Variants in QPCT observed in about 807,000 individuals in gnomAD.
QPCT encodes glutaminyl-peptide cyclotransferase.
QPCT carries 44 observed loss-of-function variants against 43.4 expected under a neutral mutation model. The ratio of observed to expected loss-of-function variants is 1.01; its 90% CI spans 0.80 to 1.30. The LOEUF is 1.30. Among genes scored for constraint, QPCT ranks in the 50% most tolerant of loss-of-function variants. The probability of loss-of-function intolerance (pLI) is 0.00; values close to 1 mark genes in which losing one functional copy is unlikely to be tolerated. For synonymous variants in QPCT, 168 were observed against 168.4 expected, an observed-to-expected ratio of 1.00 and a Z score of 0.02; for missense variants, 526 against 436.5, an observed-to-expected ratio of 1.21 and a Z score of -1.83.
intron 2 of QPCT, among the ~76,000 whole-genome samples, chr2:37,354,123 C>G (rs1325182576): frequency 6.6e-6 from 1 of 152,240 alleles, no homozygotes; most frequent in African/African-American, 2.4e-5. Flanking sequence ...CTCGGCCTCC[C>G]GAAGTGCTGG....
At chr2:37,355,489 A>G (rs1475590449) in intron 2 of QPCT, among the ~76,000 whole-genome samples, 1 of 152,150 alleles carries the variant, frequency 6.6e-6, no homozygotes, top group Non-Finnish European at 1.5e-5. Context: ...TCAAATATTA[A>G]AAAAGGGTAA....
intron 1 of QPCT, among the ~76,000 whole-genome samples, chr2:37,352,064 T>C (rs1018525212): frequency 6.6e-6 from 1 of 151,738 alleles, no homozygotes; most frequent in Non-Finnish European, 1.5e-5. Context: ...GAAACATATG[T>C]AATTTTAATT....
chr2:37,370,236 A>G (rs1673047235), intron 5 of QPCT, among the ~76,000 whole-genome samples: 1 of 151,944 alleles, frequency 6.6e-6, no homozygotes, highest in African/African-American at 2.4e-5. Flanking sequence ...TGTGTAATAT[A>G]CTTTATTGGC....
At position 37,352,958 on chromosome 2, in the gene QPCT, T is replaced by C. The variant is rs754072109; in HGVS notation, c.267+23T>C. On this transcript the variant is annotated intron_variant, in intron 2 of 6. Transcript: ENST00000338415. ...CAGGTGAGAACATGGGACACAAACC[T>C]CAAGCTTGTGTGAATACTGTGCTTT... The C allele has an allele frequency of 5.5e-5, 88 of 1,603,010 alleles. No individual in the cohort carries two copies. The South Asian group carries it at 9.5e-4, about 17-fold the overall frequency.
intron 1 of QPCT, among the ~76,000 whole-genome samples, chr2:37,345,322 C>G (rs72864829): frequency 0.021 from 3,270 of 152,276 alleles, 141 homozygotes; most frequent in African/African-American, 0.075. Flanking sequence ...TGAAGTGTCC[C>G]TACAGTCTCA....
At chr2:37,350,745 A>C (rs753867164) in intron 1 of QPCT, among the ~76,000 whole-genome samples, 1 of 152,244 alleles carries the variant, frequency 6.6e-6, no homozygotes, top group Non-Finnish European at 1.5e-5. Flanking sequence ...GAGCATCTCT[A>C]AGTGGCTTTT....
At chr2:37,354,789 G>T (rs1572730769) in intron 2 of QPCT, among the ~76,000 whole-genome samples, 1 of 152,054 alleles carries the variant, frequency 6.6e-6, no homozygotes, top group Admixed American at 6.6e-5. Flanking sequence ...AAAAAATCTA[G>T]GTCTGTGATG....
rs749821248 is a variant in QPCT at position 37,344,723 on chromosome 2, C to T, written c.-9C>T. ...CCCGGGGAACCCGCTCCCAGACAGA[C>T]TCGGAGAGATGGCAGGCGGAAGACA... is the stretch of plus-strand genomic sequence containing the variant. On this transcript the variant is annotated 5_prime_UTR_variant, in exon 1 of 7. Coordinates refer to ENST00000338415, the MANE Select transcript of QPCT (RefSeq NM_012413.4). 12 of 1,599,034 alleles carry T rather than the reference C, an allele frequency of 7.5e-6. No homozygotes were observed. Among genetic ancestry groups the T allele is most frequent in the Non-Finnish European group, 8.5e-6 (10 of 1,174,026 alleles).
At chr2:37,358,580 A>G (rs1213481745) in intron 2 of QPCT, 2 of 152,256 alleles carry the variant, frequency 1.3e-5, no homozygotes, top group African/African-American at 4.8e-5. Context: ...CGTGAAGTCT[A>G]TAATATGTTC....
chr2:37,369,630 T>A (rs562647459), intron 4 of QPCT, 55 bp from the exon 5 acceptor site: 4 of 1,306,540 alleles, frequency 3.1e-6, no homozygotes, highest in East Asian at 2.3e-5. Context: ...TCCCTGTTGA[T>A]GAATATAAAA....
rs1191206481 is a variant in QPCT at position 37,352,872 on chromosome 2, T to C, written c.204T>C (p.Asn68=). 1.9e-6 allele frequency: 3 copies of C among 1,614,194 alleles called. No homozygotes were observed. The highest frequency in any genetic ancestry group is 2.2e-5 in the East Asian group (1 of 44,884). ...EGTSISEMWQ[N]DLQPLLIERY... is the part of the protein sequence containing the mutation. ...CCAGTATCTCTGAAATGTGGCAAAA[T>C]GACTTACAGCCATTGCTGATAGAGC... Residue 68 remains asparagine (N), a synonymous_variant, in exon 2 of 7, where the codon AAT becomes AAC. Transcript: ENST00000338415.
chr2:37,366,567 C>T (rs1672965378), intron 3 of QPCT, among the ~76,000 whole-genome samples: 1 of 152,196 alleles, frequency 6.6e-6, no homozygotes, highest in African/African-American at 2.4e-5. Context: ...AGGTGAGAAG[C>T]AAGAAAGATT....
rs1672654748 is a variant in QPCT, at chr2:37,352,943, C to T, written c.267+8C>T. The T allele has an allele frequency of 3.1e-6, 5 of 1,609,352 alleles. No individual in the cohort carries two copies. Among genetic ancestry groups the T allele is most frequent in the South Asian group, 1.1e-5 (1 of 90,858 alleles). On this transcript the variant is annotated splice_region_variant and intron_variant, in intron 2 of 6. Transcript: ENST00000338415. ...AGCTATGCTGCTCGTCAGGTGAGAA[C>T]ATGGGACACAAACCTCAAGCTTGTG... is the stretch of plus-strand genomic sequence containing the variant.
chr2:37,353,497 C>A (rs1354330959), intron 2 of QPCT, among the ~76,000 whole-genome samples: 1 of 152,174 alleles, frequency 6.6e-6, no homozygotes, highest in African/African-American at 2.4e-5. Flanking sequence ...AACAAAACTT[C>A]CACGAAAAAT....
chr2:37,365,142 GAA>G lies in QPCT; in HGVS notation c.547-2089_547-2088del, dbSNP rs574483242. On this transcript the variant is annotated intron_variant, in intron 3 of 6. Coordinates refer to ENST00000338415, the MANE Select transcript of QPCT (RefSeq NM_012413.4). ...ACACATATATGATTTAAAGCCTCAA[GAA>G]GAGATATCAAGACAGTGAGTGAGTG... 2.7e-3 allele frequency among the ~76,000 whole-genome samples: 404 copies of G among 151,566 alleles called. 2 individuals are homozygous for G. Among genetic ancestry groups the G allele is most frequent in the Non-Finnish European group, 2.8e-3 (193 of 67,924 alleles).
intron 1 of QPCT, among the ~76,000 whole-genome samples, chr2:37,349,709 A>G (rs10196818): frequency 0.58 from 88,346 of 151,980 alleles, 26,349 homozygotes; most frequent in East Asian, 0.91. Context: ...GAAATTCAAA[A>G]AGAGCAAAGC....
intron 1 of QPCT, among the ~76,000 whole-genome samples, chr2:37,351,901 A>G (rs1318958733): frequency 6.6e-6 from 1 of 151,894 alleles, no homozygotes; most frequent in African/African-American, 2.4e-5. Flanking sequence ...ATAATAAAAA[A>G]GAAATAATGA....
At chr2:37,358,304 G>C (rs538181075) in intron 2 of QPCT, among the ~76,000 whole-genome samples, 1 of 152,140 alleles carries the variant, frequency 6.6e-6, no homozygotes, top group African/African-American at 2.4e-5. Flanking sequence ...AGGCATGGTG[G>C]CATGTGTCTG....
intron 1 of QPCT, among the ~76,000 whole-genome samples, chr2:37,347,180 ACATATATATATAAC>A (rs1672514935): frequency 5.6e-5 from 2 of 35,868 alleles, no homozygotes; most frequent in Admixed American, 4.4e-4. Flanking sequence ...TATATATATA[ACATATATATATAAC>A]ATATATATAT....
Sources: allele counts gnomAD v4.1 joint callset (sites outside exome capture counted in the v4.1 genomes callset), GRCh38; gene constraint gnomAD v4.1.1; transcripts MANE v1.5; gene names NCBI Gene and HGNC (gene_info 2026-07-23, HGNC 2026-07-21).